The following NFE2 variants were observed in gnomAD, a reference collection of about 807,000 sequenced individuals.
NFE2 encodes the protein transcription factor NF-E2 45 kDa subunit.
A neutral mutation model predicts 25.8 loss-of-function variants in NFE2; 13 were observed. That is an observed-to-expected ratio of 0.50 (90% CI 0.33 to 0.80). The LOEUF (loss-of-function observed/expected upper bound fraction) is 0.80, where lower values mean the gene tolerates loss of function less well. NFE2 is among the 30% of genes least tolerant of loss of function. The probability of loss-of-function intolerance (pLI) is 0.02; values close to 1 mark genes in which losing one functional copy is unlikely to be tolerated. For missense variants in NFE2, 382 were observed against 478.9 expected, an observed-to-expected ratio of 0.80 and a Z score of 1.89; for synonymous variants, 204 against 200.2, an observed-to-expected ratio of 1.02 and a Z score of -0.16.
chr12:54,292,538 C>T lies in NFE2; in HGVS notation c.958G>A (p.Glu320Lys). The part of the protein sequence containing the change: ...RARGEADRTL[E>K]VMRQQLTELY... The stretch of plus-strand genomic sequence containing the variant: ...TCTGTCAGCTGTTGGCGCATGACCT[C>T]CAGGGTCCGGTCTGCCTCCCCGCGG... The change falls in exon 3 of 3, where the codon GAG becomes AAG. Residue 320 changes from glutamate to lysine, a missense_variant. Coordinates refer to ENST00000435572, the MANE Select transcript of NFE2 (RefSeq NM_001136023.3). The T allele has an allele frequency of 6.2e-7, 1 of 1,614,148 alleles. No individual in the cohort carries two copies. Among genetic ancestry groups the T allele is most frequent in the Non-Finnish European group, 8.5e-7 (1 of 1,180,024 alleles).
Position 54,293,280 on chromosome 12 carries a change from T to C in NFE2, c.216A>G (p.Pro72=). The C allele has an allele frequency of 6.2e-7, 1 of 1,611,844 alleles. No individual in the cohort carries two copies. Among genetic ancestry groups the C allele is most frequent in the Non-Finnish European group, 8.5e-7 (1 of 1,178,848 alleles). ...PTTYCPCSIH[P]DSGFPLPPPP... ...GTGGAGGAAGTGGGAAGCCAGAATC[T>C]GGGTGGATTGAGCAGGGGCAGTAAG... Residue 72 remains proline, a synonymous_variant, in exon 3 of 3, where the codon CCA becomes CCG. Transcript: ENST00000435572.
At position 54,293,194 on chromosome 12, in the gene NFE2, T is replaced by C; in HGVS notation, c.302A>G (p.Asn101Ser). 3 of 1,581,708 alleles carry C rather than the reference T, an allele frequency of 1.9e-6. No homozygotes were observed. ...TGGCTTGGAGACTGGTATGGCCATGTTGCCATAGGAGTATGGGGGATCTGG... is the reference window on the plus strand; with the variant it reads ...TGGCTTGGAGACTGGTATGGCCATGCTGCCATAGGAGTATGGGGGATCTGG... ...HVPDPPYSYG[N>S]MAIPVSKPLS... The change falls in exon 3 of 3, where the codon AAC becomes AGC. Residue 101 changes from asparagine to serine, a missense_variant. Physicochemically the swap from Asn to Ser is conservative, Grantham distance 46. Transcript: ENST00000435572.
At position 54,293,083 on chromosome 12, in the gene NFE2, G is replaced by C; in HGVS notation, c.413C>G (p.Pro138Arg). 1 of 1,522,876 alleles carries C rather than the reference G, an allele frequency of 6.6e-7. No homozygotes were observed. Among genetic ancestry groups the C allele is most frequent in the Non-Finnish European group, 8.8e-7 (1 of 1,136,884 alleles). The allele number at this position is 1,522,876 out of a possible 1,614,324, so 94.3% of individuals were successfully genotyped here. A position where few individuals can be genotyped will look rare whatever the true frequency, so the allele number is the denominator to read the frequency against. Residue 138 changes from proline to arginine, a missense_variant, in exon 3 of 3, where the codon CCC (proline) becomes CGC (arginine). Physicochemically the swap from Pro to Arg is moderately radical, Grantham distance 103. Transcript: ENST00000435572. ...TGAGTCGGATTCTGGGTCTTCTTGG[G>C]GCTTAGGTGGCCCTGCTGGCAGCCC... ...DIGLPAGPPK[P>R]QEDPESDSGL...
At position 54,292,297 on chromosome 12, in the gene NFE2, G is replaced by T; in HGVS notation, c.*77C>A. On this transcript the variant is annotated 3_prime_UTR_variant, in exon 3 of 3. Transcript: ENST00000435572. ...GTCTAGAGAACTCAGCTCCTTCTGG[G>T]ACTCAGGGTTGGGGAGTACCTTTAT... The T allele has an allele frequency of 6.8e-7, 1 of 1,474,490 alleles. No individual in the cohort carries two copies. Among genetic ancestry groups the T allele is most frequent in the Non-Finnish European group, 9.3e-7 (1 of 1,080,664 alleles). The allele number at this position is 1,474,490 out of a possible 1,614,324, so 91.3% of individuals were successfully genotyped here. A position where few individuals can be genotyped will look rare whatever the true frequency, so the allele number is the denominator to read the frequency against.
intron 1 of NFE2, among the ~76,000 whole-genome samples, chr12:54,298,974 C>T (rs1165065594): frequency 6.6e-6 from 1 of 151,722 alleles, no homozygotes; most frequent in Non-Finnish European, 1.5e-5. Flanking sequence ...TTGCTTGAAC[C>T]TGGGCGGTAG....
intron 1 of NFE2, among the ~76,000 whole-genome samples, chr12:54,299,328 C>A (rs1320834929): frequency 1.3e-5 from 2 of 152,144 alleles, no homozygotes; most frequent in Non-Finnish European, 2.9e-5. Context: ...AGAATTGGAT[C>A]AAATAGAACA....
intron 2 of NFE2, among the ~76,000 whole-genome samples, chr12:54,293,706 G>A (rs1274187826): frequency 4.6e-5 from 7 of 152,072 alleles, no homozygotes; most frequent in African/African-American, 1.2e-4. Flanking sequence ...AAAATTAGCT[G>A]GGCATGGTGG....
chr12:54,293,469 G>T, intron 2 of NFE2, 88 bp from the exon 3 acceptor site: 1 of 1,347,930 alleles, frequency 7.4e-7, no homozygotes, highest in Non-Finnish European at 9.7e-7. Context: ...TCTTCTGAAA[G>T]TCGCAGTGAG....
intron 1 of NFE2, chr12:54,295,588 A>C: frequency 1.0e-5 from 2 of 194,820 alleles, no homozygotes; most frequent in South Asian, 9.3e-5. Flanking sequence ...AATACTTTTT[A>C]CTCCCCCAAA....
chr12:54,297,356 C>CAAAAAAAAAAAA (rs35611028), intron 1 of NFE2, among the ~76,000 whole-genome samples: 1 of 49,996 alleles, frequency 2.0e-5, no homozygotes, highest in African/African-American at 9.0e-5. Flanking sequence ...GACCCTGTCT[C>CAAAAAAAAAAAA]AAAAAAAAAA....
chr12:54,296,135 G>A (rs1054128530), intron 1 of NFE2, among the ~76,000 whole-genome samples: 2 of 152,158 alleles, frequency 1.3e-5, no homozygotes, highest in Non-Finnish European at 2.9e-5. Flanking sequence ...CATCGGGCGC[G>A]GTGGCTCAGG....
At position 54,292,693 on chromosome 12, in the gene NFE2, C is replaced by T. The variant is rs781496486; in HGVS notation, c.803G>A (p.Arg268Gln). The T allele has an allele frequency of 1.2e-6, 2 of 1,614,190 alleles. No homozygotes were observed. Among genetic ancestry groups the T allele is most frequent in the Non-Finnish European group, 1.7e-6 (2 of 1,180,042 alleles). ...GTTTTTGCCCCGTCGTCGGATGTCC[C>T]GGACTAGCGCTAGCTGGCTCTCTGT... ...PLTESQLALV[R>Q]DIRRRGKNKV... The change falls in exon 3 of 3, where the codon CGG becomes CAG. Residue 268 changes from arginine (R) to glutamine (Q), a missense_variant. By Grantham distance (43) the Arg-to-Gln change is conservative. Coordinates refer to ENST00000435572, the MANE Select transcript of NFE2 (RefSeq NM_001136023.3).
chr12:54,293,112 G>T lies in NFE2; in HGVS notation c.384C>A (p.Asp128Glu). 3 of 1,526,234 alleles carry T rather than the reference G, an allele frequency of 2.0e-6. No homozygotes were observed. The highest frequency in any genetic ancestry group is 2.6e-6 in the Non-Finnish European group (3 of 1,138,430). The allele number at this position is 1,526,234 out of a possible 1,614,324, so 94.5% of individuals were successfully genotyped here. Residue 128 changes from aspartate (D) to glutamate (E), a missense_variant, in exon 3 of 3, where the codon GAC (aspartate) becomes GAA (glutamate). Asp to Glu is a conservative substitution (Grantham distance 45). Coordinates refer to ENST00000435572, the MANE Select transcript of NFE2 (RefSeq NM_001136023.3). ...TAGGTGGCCCTGCTGGCAGCCCAAT[G>T]TCCAGGAGGGCTAAGGGGTCTTGGA... ...EPLQDPLALL[D>E]IGLPAGPPKP...
chr12:54,293,461 T>G, intron 2 of NFE2, 80 bp from the exon 3 acceptor site: 1 of 1,369,010 alleles, frequency 7.3e-7, no homozygotes, highest in African/African-American at 1.4e-5. Flanking sequence ...AGCTGGATTC[T>G]TCTGAAAGTC....
Position 54,293,201 on chromosome 12 carries a change from AG to A in NFE2, c.294del (p.Tyr99MetfsTer12), listed in dbSNP as rs1565886068. ...GAGACTGGTATGGCCATGTTGCCATAGGAGTATGGGGGATCTGGGACATGGG... is the reference window on the plus strand; with the variant it reads ...GAGACTGGTATGGCCATGTTGCCATAGAGTATGGGGGATCTGGGACATGGG... ...STSHVPDPPY[S>X]YGNMAIPVSK... On this transcript the variant is annotated frameshift_variant, in exon 3 of 3. Coordinates refer to ENST00000435572, the MANE Select transcript of NFE2 (RefSeq NM_001136023.3). LOFTEE classifies it high-confidence loss of function. The A allele has an allele frequency of 6.3e-7, 1 of 1,593,222 alleles. No homozygotes were observed.
At position 54,292,195 on chromosome 12, in the gene NFE2, A is replaced by G; in HGVS notation, c.*179T>C. The G allele has an allele frequency of 1.6e-6, 1 of 641,270 alleles. No individual in the cohort carries two copies. The highest frequency in any genetic ancestry group is 2.1e-5 in the South Asian group (1 of 47,452). The allele number at this position is 641,270 out of a possible 1,614,324, so 39.7% of individuals were successfully genotyped here. A position where few individuals can be genotyped will look rare whatever the true frequency, so the allele number is the denominator to read the frequency against. ...AGCCGAGTCAGGGAAGACAGATTCCAGCCCTCCCTCAAGGCAAGCCTCTTT... is the reference window on the plus strand; with the variant it reads ...AGCCGAGTCAGGGAAGACAGATTCCGGCCCTCCCTCAAGGCAAGCCTCTTT... On this transcript the variant is annotated 3_prime_UTR_variant, in exon 3 of 3. Coordinates refer to ENST00000435572, the MANE Select transcript of NFE2 (RefSeq NM_001136023.3).
At position 54,293,160 on chromosome 12, in the gene NFE2, G is replaced by A; in HGVS notation, c.336C>T (p.Leu112=). ...MAIPVSKPLS[L]SGLLSEPLQD... ...GGAGCGGCTCACTGAGCAGGCCTGAGAGGCTCAGTGGCTTGGAGACTGGTA... is the reference window on the plus strand; with the variant it reads ...GGAGCGGCTCACTGAGCAGGCCTGAAAGGCTCAGTGGCTTGGAGACTGGTA... The change falls in exon 3 of 3, where the codon CTC becomes CTT. Residue 112 remains leucine, a synonymous_variant. Transcript: ENST00000435572. 1.3e-6 allele frequency: 2 copies of A among 1,554,620 alleles called. No homozygotes were observed. Among genetic ancestry groups the A allele is most frequent in the Non-Finnish European group, 1.7e-6 (2 of 1,147,810 alleles).
At chr12:54,294,789 T>C (rs913449083) in intron 2 of NFE2, among the ~76,000 whole-genome samples, 3 of 151,352 alleles carry the variant, frequency 2.0e-5, no homozygotes, top group Admixed American at 2.0e-4. Context: ...CAGGCGGAGG[T>C]AATGAGGGAA....
intron 2 of NFE2, among the ~76,000 whole-genome samples, 163 bp from the exon 3 acceptor site, chr12:54,293,544 T>C (rs1944341179): frequency 6.6e-6 from 1 of 152,140 alleles, no homozygotes; most frequent in African/African-American, 2.4e-5. Flanking sequence ...ATGATACAGT[T>C]GTTGCAAGAA....
Sources: gnomAD v4.1 joint callset for allele counts (sites outside exome capture counted in the v4.1 genomes callset) on GRCh38, gnomAD v4.1.1 for gene constraint, MANE v1.5 for transcripts, NCBI Gene and HGNC (gene_info 2026-07-23, HGNC 2026-07-21) for gene names.